HCN1: variants seen among roughly 807,000 people sequenced by gnomAD.
HCN1 encodes hyperpolarization activated cyclic nucleotide gated potassium channel 1.
HCN1 carries 13 observed loss-of-function variants against 78.9 expected under a neutral mutation model. That is an observed-to-expected ratio of 0.16 (90% confidence interval 0.11 to 0.26). The LOEUF (loss-of-function observed/expected upper bound fraction) is 0.26. Among genes scored for constraint, HCN1 ranks in the 10% least tolerant of loss-of-function variants. HCN1 has a pLI of 1.00. For missense variants in HCN1, 810 were observed against 1,154.3 expected, an observed-to-expected ratio of 0.70 and a Z score of 4.32; for synonymous variants, 552 against 455.5, an observed-to-expected ratio of 1.21 and a Z score of -2.70.
rs554980743 is a variant in HCN1, at chr5:45,374,198, A to G, written c.1231-20952T>C. 4.1e-3 allele frequency among the ~76,000 whole-genome samples: 465 copies of G among 113,444 alleles called. 1 individual carries two copies. The highest frequency in any genetic ancestry group is 6.3e-3 in the Non-Finnish European group (341 of 53,996). 74.4% of individuals were successfully genotyped at this position (113,444 alleles called of 152,430 possible). ...ATATATTATATATTATATACATTAT[A>G]TACATAACATATATATTATGTACAT... On this transcript the variant is annotated intron_variant, in intron 4 of 7. Transcript: ENST00000303230.
chr5:45,459,989 C>T (rs1199709574), intron 3 of HCN1, among the ~76,000 whole-genome samples: 2 of 152,032 alleles, frequency 1.3e-5, no homozygotes, highest in Non-Finnish European at 2.9e-5. Context: ...AATGAGCCAA[C>T]CAAACTACTG....
intron 4 of HCN1, 138 bp from the exon 5 acceptor site, chr5:45,353,384 T>G (rs1018202046): frequency 3.0e-6 from 2 of 661,646 alleles, no homozygotes; most frequent in African/African-American, 3.6e-5. Flanking sequence ...ATGAAGGAAC[T>G]AATTTACCTG....
chr5:45,322,940 A>G (rs535866222), intron 5 of HCN1, among the ~76,000 whole-genome samples: 3 of 151,874 alleles, frequency 2.0e-5, no homozygotes. Flanking sequence ...CTGATATAAT[A>G]GTTCCTAATT....
At chr5:45,361,973 G>A (rs538181421) in intron 4 of HCN1, among the ~76,000 whole-genome samples, 38 of 152,178 alleles carry the variant, frequency 2.5e-4, no homozygotes, top group Non-Finnish European at 4.9e-4. Context: ...TCTTTAGTAT[G>A]TTAATTTATT....
chr5:45,560,458 A>G (rs1743574470), intron 2 of HCN1, among the ~76,000 whole-genome samples: 1 of 152,090 alleles, frequency 6.6e-6, no homozygotes, highest in African/African-American at 2.4e-5. Flanking sequence ...AGATAATTAT[A>G]AATAGGCATT....
chr5:45,409,071 A>G (rs1739980060), intron 3 of HCN1, among the ~76,000 whole-genome samples: 1 of 152,108 alleles, frequency 6.6e-6, no homozygotes, highest in Non-Finnish European at 1.5e-5. Flanking sequence ...GATAATTTGC[A>G]TATATTTCAA....
chr5:45,583,551 T>C (rs114136559), intron 2 of HCN1, among the ~76,000 whole-genome samples: 1,697 of 152,340 alleles, frequency 0.011, 19 homozygotes, highest in Middle Eastern at 0.068. Flanking sequence ...TCTTAGTTAT[T>C]TATTGCCTTC....
At chr5:45,373,413 TTATAA>T (rs1226095943) in intron 4 of HCN1, among the ~76,000 whole-genome samples, 1 of 133,972 alleles carries the variant, frequency 7.5e-6, no homozygotes, top group Non-Finnish European at 1.5e-5. Flanking sequence ...ATAAAATATA[TTATAA>T]TATATATCCC....
At chr5:45,622,749 G>C (rs1420605623) in intron 2 of HCN1, among the ~76,000 whole-genome samples, 1 of 152,124 alleles carries the variant, frequency 6.6e-6, no homozygotes, top group Non-Finnish European at 1.5e-5. Context: ...AGACTTTTCA[G>C]CTAATGGAGA....
chr5:45,447,212 CA>C (rs1234383496), intron 3 of HCN1, among the ~76,000 whole-genome samples: 5 of 151,814 alleles, frequency 3.3e-5, no homozygotes, highest in Non-Finnish European at 7.4e-5. Flanking sequence ...AAATGGAAAA[CA>C]AAAAAAGGCA....
intron 4 of HCN1, among the ~76,000 whole-genome samples, chr5:45,371,138 G>A (rs1284201443): frequency 6.6e-6 from 1 of 151,890 alleles, no homozygotes; most frequent in Non-Finnish European, 1.5e-5. Flanking sequence ...AGCGATAAGA[G>A]GGAAGTTTAT....
intron 6 of HCN1, among the ~76,000 whole-genome samples, chr5:45,277,009 G>C (rs1435742369): frequency 6.6e-6 from 1 of 152,000 alleles, no homozygotes; most frequent in Admixed American, 6.6e-5. Context: ...ATAAGTATTT[G>C]ATTAGGCATA....
chr5:45,588,601 T>C (rs1410646509), intron 2 of HCN1, among the ~76,000 whole-genome samples: 1 of 152,152 alleles, frequency 6.6e-6, no homozygotes, highest in Admixed American at 6.5e-5. Flanking sequence ...ATGATAATTT[T>C]AAAAGACCCA....
At chr5:45,470,316 T>G (rs1366777486) in intron 2 of HCN1, among the ~76,000 whole-genome samples, 1 of 151,984 alleles carries the variant, frequency 6.6e-6, no homozygotes, top group Non-Finnish European at 1.5e-5. Context: ...ACCAATAATA[T>G]TGCACTACAA....
intron 2 of HCN1, among the ~76,000 whole-genome samples, chr5:45,619,320 C>T (rs1299909684): frequency 1.3e-5 from 2 of 151,892 alleles, no homozygotes; most frequent in African/African-American, 4.8e-5. Flanking sequence ...TGTTCTTCAA[C>T]AAAAATAACT....
chr5:45,630,782 T>C (rs1745256640), intron 2 of HCN1, among the ~76,000 whole-genome samples: 1 of 152,166 alleles, frequency 6.6e-6, no homozygotes, highest in Admixed American at 6.6e-5. Context: ...CCTTAGCCTC[T>C]AAAGCTGTGA....
chr5:45,497,349 A>C (rs989034033), intron 2 of HCN1, among the ~76,000 whole-genome samples: 3 of 152,156 alleles, frequency 2.0e-5, no homozygotes, highest in Non-Finnish European at 4.4e-5. Context: ...GATTCTTTGC[A>C]GGTCACTCAG....
At chr5:45,397,312 A>T (rs1289349699) in intron 3 of HCN1, among the ~76,000 whole-genome samples, 1 of 152,166 alleles carries the variant, frequency 6.6e-6, no homozygotes, top group East Asian at 1.9e-4. Flanking sequence ...TCAGGATTGA[A>T]GACGGCTGAA....
At chr5:45,342,252 G>C (rs1286910409) in intron 5 of HCN1, among the ~76,000 whole-genome samples, 2 of 111,448 alleles carry the variant, frequency 1.8e-5, no homozygotes, top group African/African-American at 6.9e-5. Flanking sequence ...TTTTTTTTTT[G>C]AGATGGAGTT....
Sources: gnomAD v4.1 joint callset for allele counts (sites outside exome capture counted in the v4.1 genomes callset) on GRCh38, gnomAD v4.1.1 for gene constraint, MANE v1.5 for transcripts, NCBI Gene and HGNC (gene_info 2026-07-23, HGNC 2026-07-21) for gene names.